HSD17B4: variants seen among roughly 807,000 people sequenced by gnomAD.
The protein encoded by HSD17B4 is hydroxysteroid 17-beta dehydrogenase 4.
A neutral mutation model predicts 101.0 loss-of-function variants in HSD17B4; 70 were observed. The observed-to-expected ratio is 0.69, with a 90% CI of 0.57 to 0.85. HSD17B4 has a LOEUF of 0.85. Among genes scored for constraint, HSD17B4 ranks in the 40% least tolerant of loss-of-function variants. The pLI is 0.00. For synonymous variants in HSD17B4, 347 were observed against 297.1 expected (o/e 1.17, Z -1.73); for missense variants, 984 against 892.4 (o/e 1.10, Z -1.31).
intron 2 of HSD17B4, among the ~76,000 whole-genome samples, chr5:119,460,236 GC>G (rs1755085559): frequency 1.3e-5 from 2 of 152,148 alleles, no homozygotes; most frequent in African/African-American, 4.8e-5. Context: ...TTTTGGAGGG[GC>G]TAAATATTTA....
Position 119,452,850 on chromosome 5 carries a change from G to A in HSD17B4, c.58+217G>A, listed in dbSNP as rs556550464. 1.5e-5 allele frequency: 23 copies of A among 1,535,608 alleles called. No homozygotes were observed. The South Asian group carries it at 2.6e-4, about 17-fold the overall frequency. On this transcript the variant is annotated intron_variant, in intron 1 of 23. Transcript: ENST00000510025. ...CAGCCCGCTTCTCCCCAGCACCCCGGTGTGGGCTTCCCAAGGTCCTGCCTG... is the reference window on the plus strand; with the variant it reads ...CAGCCCGCTTCTCCCCAGCACCCCGATGTGGGCTTCCCAAGGTCCTGCCTG...
intron 4 of HSD17B4, among the ~76,000 whole-genome samples, chr5:119,474,878 T>A (rs1376728838): frequency 6.6e-6 from 1 of 152,188 alleles, no homozygotes; most frequent in Non-Finnish European, 1.5e-5. Context: ...TTCTCTATAA[T>A]AAAAATCTTA....
chr5:119,490,282 GA>G (rs1461692931), intron 9 of HSD17B4, among the ~76,000 whole-genome samples: 2 of 152,114 alleles, frequency 1.3e-5, no homozygotes, highest in Non-Finnish European at 2.9e-5. Context: ...CTGTTTTATA[GA>G]AGAGGAAAAT....
chr5:119,507,866 A>G lies in HSD17B4; in HGVS notation c.1333+977A>G, dbSNP rs367654633. Among the ~76,000 whole-genome samples the G allele has an allele frequency of 2.8e-4, 42 of 152,184 alleles. 1 individual carries two copies. The East Asian group carries it at 4.8e-3, about 17-fold the overall frequency. Reference sequence around the variant, plus strand: ...TTTAAGTTTAAATTTGTAAGTTTTAAAGTTTAAGAACAAAAAAGTAGATAT... The same window carrying G: ...TTTAAGTTTAAATTTGTAAGTTTTAGAGTTTAAGAACAAAAAAGTAGATAT... On this transcript the variant is annotated intron_variant, in intron 15 of 23. Transcript: ENST00000510025.
intron 7 of HSD17B4, chr5:119,478,223 C>T (rs1318038157): frequency 6.5e-6 from 1 of 154,574 alleles, no homozygotes; most frequent in African/African-American, 2.4e-5. Flanking sequence ...TGTGGCAGTG[C>T]TAGTATGCTT....
intron 1 of HSD17B4, 90 bp downstream of exon 1, chr5:119,452,723 A>G (rs766777534): frequency 2.5e-6 from 4 of 1,604,880 alleles, no homozygotes; most frequent in Non-Finnish European, 3.4e-6. Flanking sequence ...GCCGCAGCTG[A>G]GGTCACCCCG....
At chr5:119,479,049 T>C in intron 8 of HSD17B4, 28 bp downstream of exon 8, 1 of 1,532,172 alleles carries the variant, frequency 6.5e-7, no homozygotes, top group South Asian at 1.1e-5. Flanking sequence ...TATTTTTCAG[T>C]GCTGTTACTT....
intron 15 of HSD17B4, among the ~76,000 whole-genome samples, chr5:119,507,165 G>A (rs1242127522): frequency 6.6e-6 from 1 of 152,206 alleles, no homozygotes; most frequent in Non-Finnish European, 1.5e-5. Context: ...TATTGATAAT[G>A]TAGAGGAGAA....
intron 22 of HSD17B4, among the ~76,000 whole-genome samples, chr5:119,534,724 T>G (rs1026954597): frequency 5.9e-5 from 9 of 152,192 alleles, no homozygotes; most frequent in African/African-American, 2.2e-4. Flanking sequence ...AGATTTTCCT[T>G]GAAAAGGAAT....
intron 3 of HSD17B4, 69 bp downstream of exon 3, chr5:119,474,084 T>C: frequency 1.1e-6 from 1 of 877,888 alleles, no homozygotes; most frequent in Non-Finnish European, 1.9e-6. Context: ...ATTAATAATC[T>C]TTGAGCAAAT....
At chr5:119,502,130 T>C in intron 14 of HSD17B4, 38 bp downstream of exon 14, 1 of 1,299,434 alleles carries the variant, frequency 7.7e-7, no homozygotes, top group South Asian at 1.2e-5. Flanking sequence ...ATACCATACT[T>C]TTATTTCCAG....
intron 16 of HSD17B4, among the ~76,000 whole-genome samples, chr5:119,509,931 C>T (rs2126817266): frequency 1.3e-5 from 2 of 152,312 alleles, no homozygotes; most frequent in South Asian, 4.1e-4. Context: ...TTTTGGTTAA[C>T]AGTAGGCTAT....
intron 20 of HSD17B4, among the ~76,000 whole-genome samples, chr5:119,527,583 A>G (rs1351935825): frequency 6.6e-6 from 1 of 152,098 alleles, no homozygotes; most frequent in South Asian, 2.1e-4. Context: ...CATGACTCAG[A>G]CAGATATACA....
At chr5:119,467,274 T>A (rs532045174) in intron 2 of HSD17B4, among the ~76,000 whole-genome samples, 17 of 152,340 alleles carry the variant, frequency 1.1e-4, no homozygotes, top group African/African-American at 3.8e-4. Flanking sequence ...TTAGGACCAT[T>A]TCATTTCTAG....
At chr5:119,465,510 A>G (rs542787059) in intron 2 of HSD17B4, among the ~76,000 whole-genome samples, 2 of 152,134 alleles carry the variant, frequency 1.3e-5, no homozygotes, top group Admixed American at 6.5e-5. Flanking sequence ...GGGCCTTACG[A>G]GGAGTAGATG....
At position 119,452,627 on chromosome 5, in the gene HSD17B4, G is replaced by C; in HGVS notation, c.52G>C (p.Gly18Arg). ...GCGGGTGGTACTGGTCACCGGCGCG[G>C]GGGCAGGTGAGCATGCGAAGGTTGG... ...DGRVVLVTGA[G>R]AGLGRAYALA... is the part of the protein sequence containing the mutation. Residue 18 changes from glycine to arginine, a missense_variant, in exon 1 of 24, where the codon GGG becomes CGG. Coordinates refer to ENST00000510025, the MANE Select transcript of HSD17B4 (RefSeq NM_000414.4). 1 of 1,613,936 alleles carries C rather than the reference G, an allele frequency of 6.2e-7. No individual in the cohort carries two copies. The highest frequency in any genetic ancestry group is 8.5e-7 in the Non-Finnish European group (1 of 1,179,980).
intron 4 of HSD17B4, among the ~76,000 whole-genome samples, chr5:119,474,983 TTAAC>T (rs1748435531): frequency 6.6e-6 from 1 of 152,146 alleles, no homozygotes; most frequent in Non-Finnish European, 1.5e-5. Flanking sequence ...AAAAGATTAT[TTAAC>T]TACTAGATGG....
chr5:119,508,423 T>A (rs1751862333), intron 15 of HSD17B4, among the ~76,000 whole-genome samples: 1 of 152,182 alleles, frequency 6.6e-6, no homozygotes, highest in Non-Finnish European at 1.5e-5. Context: ...TGCCTTTCCT[T>A]ATTTTTGTTT....
At chr5:119,534,278 A>C (rs1287943139) in intron 22 of HSD17B4, among the ~76,000 whole-genome samples, 2 of 152,228 alleles carry the variant, frequency 1.3e-5, no homozygotes, top group East Asian at 3.9e-4. Context: ...TTGTTTGAAT[A>C]AATAATAAAA....
Sources: gnomAD v4.1 joint callset for allele counts (sites outside exome capture counted in the v4.1 genomes callset) on GRCh38, gnomAD v4.1.1 for gene constraint, MANE v1.5 for transcripts, NCBI Gene and HGNC (gene_info 2026-07-23, HGNC 2026-07-21) for gene names.